Variants in CMTM7 observed in about 807,000 individuals in gnomAD.
CMTM7 encodes the protein CKLF-like MARVEL transmembrane domain-containing protein 7.
In CMTM7, 7 loss-of-function variants were observed where a neutral mutation model predicts 19.3. That is an observed-to-expected ratio of 0.36 (90% CI 0.21 to 0.68). The LOEUF is 0.68. Among genes scored for constraint, CMTM7 ranks in the 30% least tolerant of loss-of-function variants. CMTM7 has a pLI of 0.60. For synonymous variants in CMTM7, 87 were observed against 99.3 expected (o/e 0.88, Z 0.74); for missense variants, 193 against 232.6 (o/e 0.83, Z 1.11).
chr3:32,396,044 C>T (rs143571679), intron 1 of CMTM7, among the ~76,000 whole-genome samples: 2 of 152,096 alleles, frequency 1.3e-5, no homozygotes, highest in Non-Finnish European at 2.9e-5. Flanking sequence ...CCACAAAAGA[C>T]CACATTATAT....
At chr3:32,392,587 T>C (rs347124) in intron 1 of CMTM7, among the ~76,000 whole-genome samples, 147,589 of 152,296 alleles carry the variant, frequency 0.97, 71,686 homozygotes, top group East Asian at 1. Context: ...GAGGGTCTTG[T>C]GTTCCATAGT....
At chr3:32,406,128 CCTAA>C (rs1559402147) in intron 1 of CMTM7, among the ~76,000 whole-genome samples, 1 of 152,214 alleles carries the variant, frequency 6.6e-6, no homozygotes, top group Non-Finnish European at 1.5e-5. Context: ...ACTTTTATTA[CCTAA>C]CTTTCTGACT....
In CMTM7 at chr3:32,402,756, A is replaced by T. The variant is rs1435748332; in HGVS notation, c.159+10691A>T. Among the ~76,000 whole-genome samples, 7 of 151,750 alleles carry T rather than the reference A, an allele frequency of 4.6e-5. No homozygotes were observed. In the East Asian group the frequency reaches 7.9e-4, roughly 17 times the overall value. On this transcript the variant is annotated intron_variant, in intron 1 of 4. Transcript: ENST00000334983. The stretch of plus-strand genomic sequence containing the variant: ...TAACTTTTGTATTTTTACTAGAGAC[A>T]GGTTTCACCATGTGGCCAGGCTGGT...
intron 1 of CMTM7, among the ~76,000 whole-genome samples, chr3:32,404,974 A>G (rs1696068085): frequency 6.6e-6 from 1 of 152,238 alleles, no homozygotes; most frequent in Non-Finnish European, 1.5e-5. Context: ...TGAAGAAGTG[A>G]ACTGCCTTGT....
chr3:32,403,173 A>G (rs1696034902), intron 1 of CMTM7, among the ~76,000 whole-genome samples: 1 of 152,182 alleles, frequency 6.6e-6, no homozygotes, highest in African/African-American at 2.4e-5. Context: ...GACAGCCACT[A>G]GGCTAGGTGG....
At chr3:32,403,588 C>G (rs1696043060) in intron 1 of CMTM7, among the ~76,000 whole-genome samples, 1 of 152,100 alleles carries the variant, frequency 6.6e-6, no homozygotes, top group Admixed American at 6.6e-5. Context: ...ATCATTATCC[C>G]CAACTCATCG....
intron 1 of CMTM7, among the ~76,000 whole-genome samples, chr3:32,441,284 G>A (rs1192987220): frequency 6.6e-6 from 1 of 152,204 alleles, no homozygotes; most frequent in Non-Finnish European, 1.5e-5. Context: ...TGAACATGGG[G>A]ATGATTTTGT....
chr3:32,417,587 G>A (rs1159841103), intron 1 of CMTM7, among the ~76,000 whole-genome samples: 1 of 152,202 alleles, frequency 6.6e-6, no homozygotes, highest in African/African-American at 2.4e-5. Flanking sequence ...CCTATCTGTA[G>A]TTTTGTTGGG....
intron 2 of CMTM7, among the ~76,000 whole-genome samples, chr3:32,442,771 A>G (rs546565727): frequency 6.4e-4 from 98 of 152,296 alleles, no homozygotes; most frequent in African/African-American, 2.2e-3. Flanking sequence ...CTTCATTGAG[A>G]TGCAGTTCAT....
intron 1 of CMTM7, among the ~76,000 whole-genome samples, chr3:32,426,290 T>A (rs1204005601): frequency 6.6e-6 from 1 of 152,230 alleles, no homozygotes; most frequent in Admixed American, 6.5e-5. Context: ...CTTCTCTCAG[T>A]GGTTATATTT....
chr3:32,431,567 C>T (rs1365819567), intron 1 of CMTM7, among the ~76,000 whole-genome samples: 1 of 152,126 alleles, frequency 6.6e-6, no homozygotes, highest in Non-Finnish European at 1.5e-5. Flanking sequence ...GTGCTCACTC[C>T]CAGGTGGGAC....
chr3:32,391,869 G>A lies in CMTM7; in HGVS notation c.-38G>A. ...GCCCTCTGTATCTGGCCCCTGGGCA[G>A]CTGCCCGGGGAGGCGGCCAGCGAGC... On this transcript the variant is annotated 5_prime_UTR_variant, in exon 1 of 5. Coordinates refer to ENST00000334983, the MANE Select transcript of CMTM7 (RefSeq NM_138410.4). 9 of 1,169,174 alleles carry A rather than the reference G, an allele frequency of 7.7e-6. No homozygotes were observed. The South Asian group carries it at 3.4e-4, about 44-fold the overall frequency. 72.4% of individuals were successfully genotyped at this position (1,169,174 alleles called of 1,614,324 possible).
intron 1 of CMTM7, among the ~76,000 whole-genome samples, chr3:32,435,936 C>T (rs1696590734): frequency 6.6e-6 from 1 of 152,200 alleles, no homozygotes; most frequent in Non-Finnish European, 1.5e-5. Flanking sequence ...CACTTCCCCT[C>T]CCCAGAGGCA....
At chr3:32,423,341 T>C (rs138777256) in intron 1 of CMTM7, among the ~76,000 whole-genome samples, 59 of 152,362 alleles carry the variant, frequency 3.9e-4, no homozygotes, top group African/African-American at 1.2e-3. Context: ...CATTTCATTT[T>C]AAGAAAAATC....
chr3:32,433,020 TG>T (rs1696543907), intron 1 of CMTM7, among the ~76,000 whole-genome samples: 1 of 152,178 alleles, frequency 6.6e-6, no homozygotes, highest in Non-Finnish European at 1.5e-5. Context: ...CAGCAGAAAA[TG>T]CTCTTTTTGC....
intron 1 of CMTM7, among the ~76,000 whole-genome samples, chr3:32,402,867 A>AT (rs1696031547): frequency 6.6e-6 from 1 of 152,162 alleles, no homozygotes; most frequent in Non-Finnish European, 1.5e-5. Flanking sequence ...CCGGCCACTC[A>AT]TTTTTTTAAA....
chr3:32,400,947 A>G (rs1281053320), intron 1 of CMTM7, among the ~76,000 whole-genome samples: 1 of 152,228 alleles, frequency 6.6e-6, no homozygotes, highest in Admixed American at 6.5e-5. Flanking sequence ...AGAGAGAGAA[A>G]TGAAGTGTCT....
rs139624222 is a variant in CMTM7, at chr3:32,442,731, T to A, written c.333+718T>A. On this transcript the variant is annotated intron_variant, in intron 2 of 4. Coordinates refer to ENST00000334983, the MANE Select transcript of CMTM7 (RefSeq NM_138410.4). ...AGGAGACAGTCAGAAGTTGCCAGAC[T>A]TTTTCTTCCCACTGTATTATTTTTT... Among the ~76,000 whole-genome samples, 3 of 152,220 alleles carry A rather than the reference T, an allele frequency of 2.0e-5. No homozygotes were observed. In the East Asian group the frequency reaches 5.8e-4, roughly 29 times the overall value.
At chr3:32,443,025 T>A (rs1457362631) in intron 2 of CMTM7, among the ~76,000 whole-genome samples, 1 of 152,222 alleles carries the variant, frequency 6.6e-6, no homozygotes, top group Non-Finnish European at 1.5e-5. Context: ...TATGTGGTCT[T>A]TTGTAACTGG....
Sources: gnomAD v4.1 joint callset for allele counts (sites outside exome capture counted in the v4.1 genomes callset) on GRCh38, gnomAD v4.1.1 for gene constraint, MANE v1.5 for transcripts, NCBI Gene and HGNC (gene_info 2026-07-23, HGNC 2026-07-21) for gene names.